Variants in DPH7 observed in about 807,000 individuals in gnomAD.
DPH7 encodes diphthine methyltransferase.
In DPH7, 44 loss-of-function variants were observed where a neutral mutation model predicts 41.7. The observed-to-expected ratio is 1.05, with a 90% CI of 0.83 to 1.36. The LOEUF (loss-of-function observed/expected upper bound fraction) is 1.36. DPH7 is among the 40% of genes most tolerant of loss of function. The pLI is 0.00. For missense variants in DPH7, 629 were observed against 577.5 expected (o/e 1.09, Z -0.91); for synonymous variants, 275 against 238.0 (o/e 1.16, Z -1.43).
chr9:137,578,802 G>A lies in DPH7; in HGVS notation c.-25C>T. On this transcript the variant is annotated 5_prime_UTR_variant, in exon 1 of 9. Transcript: ENST00000277540. Reference sequence around the variant, plus strand: ...TCCAGCCCTCGGGGAAGGGCGCGGAGCCGGCAGTAGAGGCGGGTCGGCGGG... The same window carrying A: ...TCCAGCCCTCGGGGAAGGGCGCGGAACCGGCAGTAGAGGCGGGTCGGCGGG... The A allele has an allele frequency of 2.1e-6, 3 of 1,428,502 alleles. No homozygotes were observed. Among genetic ancestry groups the A allele is most frequent in the Non-Finnish European group, 2.8e-6 (3 of 1,087,044 alleles). 88.5% of individuals were successfully genotyped at this position (1,428,502 alleles called of 1,614,324 possible). A position where few individuals can be genotyped will look rare whatever the true frequency, so the allele number is the denominator to read the frequency against.
intron 8 of DPH7, among the ~76,000 whole-genome samples, chr9:137,561,992 G>A (rs1449515661): frequency 1.3e-5 from 2 of 152,112 alleles, no homozygotes; most frequent in African/African-American, 4.8e-5. Flanking sequence ...AGCCTCCCAA[G>A]TAGCTGGGAC....
rs1291137266 is a variant in DPH7, at chr9:137,554,684, C to T, written c.*555G>A. ...TGAACTCCAGGCCTCAAGCAATCCT[C>T]CTGCCTCAGCCCCTTCCAAAGTGCT... is the stretch of plus-strand genomic sequence containing the variant. On this transcript the variant is annotated 3_prime_UTR_variant, in exon 9 of 9. Coordinates refer to ENST00000277540, the MANE Select transcript of DPH7 (RefSeq NM_138778.5). Among the ~76,000 whole-genome samples the T allele has an allele frequency of 6.6e-6, 1 of 152,166 alleles. No homozygotes were observed. The highest frequency in any genetic ancestry group is 1.5e-5 in the Non-Finnish European group (1 of 68,028).
Position 137,555,536 on chromosome 9 carries a change from C to T in DPH7, c.1062G>A (p.Trp354Ter), listed in dbSNP as rs764742891. 1 of 1,614,072 alleles carries T rather than the reference C, an allele frequency of 6.2e-7. No homozygotes were observed. The highest frequency in any genetic ancestry group is 8.5e-7 in the Non-Finnish European group (1 of 1,180,020). ...TGGTTCCTAGGTTGCTAGGAAAGGA[C>T]CACGAGGGGGCCCGCTGCAGAGAAC... ...LFRSLQRAPS[W>*]SFPSNLGTKT... Residue 354 changes from tryptophan to a stop codon, truncating the protein, a stop_gained, in exon 9 of 9, where the codon TGG becomes TGA. Transcript: ENST00000277540. LOFTEE classifies it low-confidence loss of function (END_TRUNC).
chr9:137,556,485 T>C lies in DPH7; in HGVS notation c.950-837A>G, dbSNP rs1443641634. On this transcript the variant is annotated intron_variant, in intron 8 of 8. Coordinates refer to ENST00000277540, the MANE Select transcript of DPH7 (RefSeq NM_138778.5). The surrounding 1 kb of genome is among the most constrained non-coding windows in gnomAD (Gnocchi z 5.2). ...CCGGAATCAGAACCAGAATGAGTGC[T>C]GATGGAAGAAGGGCTGAGGGCAGAA... 4.9e-6 allele frequency: 1 copy of C among 202,228 alleles called. No individual in the cohort carries two copies. The highest frequency in any genetic ancestry group is 1.6e-4 in the East Asian group (1 of 6,342). 12.5% of individuals were successfully genotyped at this position (202,228 alleles called of 1,614,324 possible).
chr9:137,558,898 C>T (rs1250915255), intron 8 of DPH7, among the ~76,000 whole-genome samples: 6 of 152,038 alleles, frequency 3.9e-5, no homozygotes, highest in East Asian at 1.9e-4. Context: ...TCAGGTGATC[C>T]GCCCGCCTCA....
intron 5 of DPH7, among the ~76,000 whole-genome samples, chr9:137,571,418 C>G (rs969587688): frequency 2.0e-5 from 3 of 152,076 alleles, no homozygotes; most frequent in Non-Finnish European, 2.9e-5. Flanking sequence ...ATCTGCTGAC[C>G]TCATGATCCG....
chr9:137,574,177 C>T, intron 5 of DPH7, 31 bp downstream of exon 5: 1 of 1,605,962 alleles, frequency 6.2e-7, no homozygotes, highest in Non-Finnish European at 8.5e-7. Context: ...GCAAGCCTTC[C>T]ATCAGAGGTG....
At chr9:137,574,947 C>G in intron 3 of DPH7, 104 bp from the exon 4 acceptor site, 4 of 1,553,726 alleles carry the variant, frequency 2.6e-6, no homozygotes, top group Non-Finnish European at 3.5e-6. Flanking sequence ...CATTTACAAC[C>G]TATGCGAATG....
chr9:137,560,780 C>T (rs1464368632), intron 8 of DPH7, among the ~76,000 whole-genome samples: 34 of 151,268 alleles, frequency 2.2e-4, no homozygotes, highest in African/African-American at 5.8e-4. Context: ...GGCGTGAACC[C>T]GGGAGGCGGA....
chr9:137,564,531 C>G lies in DPH7; in HGVS notation c.852G>C (p.Gly284=). The change falls in exon 8 of 9, where the codon GGG becomes GGC. Residue 284 remains glycine, a synonymous_variant. Transcript: ENST00000277540. ...AAGGGTGCCACTTGATTCTCCATACCCCACCCTGCACAGGCGTATCTGCCA... is the reference window on the plus strand; with the variant it reads ...AAGGGTGCCACTTGATTCTCCATACGCCACCCTGCACAGGCGTATCTGCCA... ...QPLADTPVQG[G]VWRIKWHPFH... is the part of the protein sequence containing the mutation. The G allele has an allele frequency of 6.2e-7, 1 of 1,614,128 alleles. No individual in the cohort carries two copies. The highest frequency in any genetic ancestry group is 8.5e-7 in the Non-Finnish European group (1 of 1,180,012).
At chr9:137,570,337 TTATAC>T (rs1478297657) in intron 5 of DPH7, among the ~76,000 whole-genome samples, 2 of 152,208 alleles carry the variant, frequency 1.3e-5, no homozygotes, top group Non-Finnish European at 2.9e-5. Flanking sequence ...AAAGGCTTCT[TTATAC>T]GTGAGTCTCT....
chr9:137,576,269 G>T, intron 2 of DPH7, 102 bp from the exon 3 acceptor site: 1 of 988,272 alleles, frequency 1.0e-6, no homozygotes, highest in Non-Finnish European at 1.6e-6. Context: ...CAACGGGGCT[G>T]CAGTCCACGC....
Position 137,564,890 on chromosome 9 carries a change from C to T in DPH7, c.776+3G>A. ...AGGGCCCGAGAGCCTCCTGGGGACTCACCTTCCCGTGGCCAGGATGTGCTC... is the reference window on the plus strand; with the variant it reads ...AGGGCCCGAGAGCCTCCTGGGGACTTACCTTCCCGTGGCCAGGATGTGCTC... On this transcript the variant is annotated splice_donor_region_variant and intron_variant, in intron 7 of 8. Coordinates refer to ENST00000277540, the MANE Select transcript of DPH7 (RefSeq NM_138778.5). 6.3e-7 allele frequency: 1 copy of T among 1,590,964 alleles called. No homozygotes were observed. The highest frequency in any genetic ancestry group is 8.6e-7 in the Non-Finnish European group (1 of 1,168,796).
At chr9:137,576,190 G>A (rs1344148914) in intron 2 of DPH7, 23 bp from the exon 3 acceptor site, 1 of 1,607,070 alleles carries the variant, frequency 6.2e-7, no homozygotes, top group African/African-American at 1.3e-5. Context: ...CCCACCATAA[G>A]CACACCAATG....
rs962419775 is a variant in DPH7, at chr9:137,575,593, A to G, written c.375+487T>C. On this transcript the variant is annotated intron_variant, in intron 3 of 8. Coordinates refer to ENST00000277540, the MANE Select transcript of DPH7 (RefSeq NM_138778.5). The stretch of plus-strand genomic sequence containing the variant: ...GGCGTGGTTTCAGGCTGTTTACATC[A>G]CCCCACTACGGGACATCCCCGTTCT... The G allele has an allele frequency of 8.0e-6, 8 of 1,001,108 alleles. No individual in the cohort carries two copies. In the African/African-American group the frequency reaches 1.4e-4, roughly 17 times the overall value. 62.0% of individuals were successfully genotyped at this position (1,001,108 alleles called of 1,614,324 possible).
At chr9:137,577,342 C>T (rs568425549) in intron 2 of DPH7, 128 bp downstream of exon 2, 10 of 936,830 alleles carry the variant, frequency 1.1e-5, no homozygotes, top group East Asian at 2.5e-5. Context: ...GGAAGATAGG[C>T]GGGACAGCAA....
chr9:137,564,344 G>A, intron 8 of DPH7, 90 bp downstream of exon 8: 1 of 1,469,768 alleles, frequency 6.8e-7, no homozygotes, highest in Non-Finnish European at 9.2e-7. Flanking sequence ...GAGCAAGGGA[G>A]CAGGGAGCTG....
At chr9:137,573,926 T>C (rs1253662824) in intron 5 of DPH7, among the ~76,000 whole-genome samples, 2 of 151,286 alleles carry the variant, frequency 1.3e-5, no homozygotes, top group Non-Finnish European at 3.0e-5. Flanking sequence ...ATTAGCTGGG[T>C]GTGGTGGCAG....
intron 8 of DPH7, among the ~76,000 whole-genome samples, chr9:137,559,657 G>A (rs117858833): frequency 5.8e-3 from 885 of 152,292 alleles, no homozygotes; most frequent in African/African-American, 0.01. Context: ...AAATAATAGC[G>A]TAAGCTGTCT....
Sources: allele counts gnomAD v4.1 joint callset (sites outside exome capture counted in the v4.1 genomes callset), GRCh38; gene constraint gnomAD v4.1.1; non-coding constraint Gnocchi (gnomAD v3.1); transcripts MANE v1.5; gene names NCBI Gene and HGNC (gene_info 2026-07-23, HGNC 2026-07-21).